The following SPIDR variants were observed in gnomAD, a reference collection of about 807,000 sequenced individuals.
SPIDR encodes the protein DNA repair-scaffolding protein.
SPIDR carries 93 observed loss-of-function variants against 104.6 expected under a neutral mutation model. The ratio of observed to expected loss-of-function variants is 0.89; its 90% CI spans 0.75 to 1.06. SPIDR has a LOEUF of 1.06. Ranked by LOEUF, SPIDR falls within the 50% of genes least tolerant of loss-of-function variation. The probability of loss-of-function intolerance (pLI) is 0.00; values close to 1 mark genes in which losing one functional copy is unlikely to be tolerated. For missense variants in SPIDR, 1,154 were observed against 1,111.2 expected (o/e 1.04, Z -0.55); for synonymous variants, 431 against 416.9 (o/e 1.03, Z -0.41).
intron 4 of SPIDR, 141 bp from the exon 5 acceptor site, chr8:47,293,726 G>A: frequency 3.3e-6 from 3 of 921,870 alleles, no homozygotes; most frequent in African/African-American, 1.7e-5. Flanking sequence ...AGGATTACAG[G>A]CATGAGCTAT....
Position 47,555,520 on chromosome 8 carries a change from A to G in SPIDR, c.1098-40291A>G, listed in dbSNP as rs2091214436. ...TAACTTTTAATTTGGTTCCTCAAAA[A>G]TTGAGCAATAGAAGCAGTAATTTTT... On this transcript the variant is annotated intron_variant, in intron 8 of 19. Transcript: ENST00000297423. Among the ~76,000 whole-genome samples the G allele has an allele frequency of 2.0e-5, 3 of 152,234 alleles. No homozygotes were observed. The South Asian group carries it at 6.2e-4, about 32-fold the overall frequency.
chr8:47,626,390 G>T (rs1216021442), intron 10 of SPIDR, among the ~76,000 whole-genome samples: 1 of 152,136 alleles, frequency 6.6e-6, no homozygotes, highest in African/African-American at 2.4e-5. Context: ...TAACAAATGG[G>T]ATCTAATTAA....
intron 4 of SPIDR, 57 bp from the exon 5 acceptor site, chr8:47,293,810 A>T (rs2040367103): frequency 1.2e-5 from 18 of 1,502,094 alleles, no homozygotes; most frequent in Non-Finnish European, 1.6e-5. Flanking sequence ...AATAAAAGAG[A>T]TATAAAAGTG....
intron 8 of SPIDR, among the ~76,000 whole-genome samples, chr8:47,587,535 G>A (rs1257599280): frequency 6.6e-6 from 1 of 151,232 alleles, no homozygotes; most frequent in Non-Finnish European, 1.5e-5. Context: ...GAACCTGGGA[G>A]GCAGACGGAG....
chr8:47,547,316 C>G (rs763154583), intron 8 of SPIDR: 23 of 546,028 alleles, frequency 4.2e-5, no homozygotes, highest in Non-Finnish European at 4.7e-5. Flanking sequence ...CCCATCTAGT[C>G]AATGCCCATG....
At chr8:47,680,534 G>C (rs1295874169) in intron 11 of SPIDR, among the ~76,000 whole-genome samples, 1 of 152,168 alleles carries the variant, frequency 6.6e-6, no homozygotes, top group Admixed American at 6.5e-5. Context: ...CATTTCAGAG[G>C]CTCCTTTAAC....
At chr8:47,393,726 TCCTTTCCTTC>T (rs1307237974) in intron 5 of SPIDR, among the ~76,000 whole-genome samples, 3 of 109,566 alleles carry the variant, frequency 2.7e-5, no homozygotes, top group African/African-American at 6.0e-5. Flanking sequence ...TCCTTTCCTT[TCCTTTCCTTC>T]CTTTCATTCT....
chr8:47,686,511 T>C (rs1435045320), intron 11 of SPIDR, among the ~76,000 whole-genome samples: 1 of 152,222 alleles, frequency 6.6e-6, no homozygotes, highest in Non-Finnish European at 1.5e-5. Context: ...AGAGTCACTC[T>C]ATTTTTTCAT....
At chr8:47,387,152 G>A (rs1336844684) in intron 5 of SPIDR, among the ~76,000 whole-genome samples, 1 of 152,130 alleles carries the variant, frequency 6.6e-6, no homozygotes, top group Non-Finnish European at 1.5e-5. Context: ...AAGGGCTATG[G>A]CATCCACAGG....
At chr8:47,260,922 G>A (rs939331154), upstream of SPIDR, 28 of 1,221,836 alleles carry the variant, frequency 2.3e-5, no homozygotes, top group Non-Finnish European at 2.6e-5. Flanking sequence ...ACGGCGGCGC[G>A]CTGAGGAGGC....
intron 5 of SPIDR, among the ~76,000 whole-genome samples, chr8:47,348,612 G>A (rs957630349): frequency 1.3e-5 from 2 of 152,094 alleles, no homozygotes; most frequent in Non-Finnish European, 2.9e-5. Flanking sequence ...TAGATTTAGT[G>A]TTTTCACATA....
intron 8 of SPIDR, among the ~76,000 whole-genome samples, chr8:47,491,918 C>G (rs1458629010): frequency 2.6e-5 from 4 of 152,110 alleles, no homozygotes; most frequent in African/African-American, 9.7e-5. Context: ...ATGCCGAGGT[C>G]TCTAACCACA....
At chr8:47,621,488 C>A (rs2065163755) in intron 10 of SPIDR, among the ~76,000 whole-genome samples, 1 of 152,204 alleles carries the variant, frequency 6.6e-6, no homozygotes, top group Non-Finnish European at 1.5e-5. Flanking sequence ...TCTGTTCTCG[C>A]TTCTGTCTTA....
chr8:47,462,265 A>T (rs2074069294), intron 8 of SPIDR, among the ~76,000 whole-genome samples: 1 of 152,154 alleles, frequency 6.6e-6, no homozygotes, highest in Admixed American at 6.5e-5. Flanking sequence ...TGTAATGTGA[A>T]CCGTCTTGAG....
At chr8:47,500,874 T>G (rs1196264645) in intron 8 of SPIDR, among the ~76,000 whole-genome samples, 2 of 152,238 alleles carry the variant, frequency 1.3e-5, no homozygotes, top group African/African-American at 4.8e-5. Flanking sequence ...TAGCCAGTTT[T>G]CCCAGCACCA....
intron 5 of SPIDR, among the ~76,000 whole-genome samples, chr8:47,374,276 C>T (rs533158899): frequency 6.6e-6 from 1 of 152,238 alleles, no homozygotes; most frequent in South Asian, 2.1e-4. Flanking sequence ...AATCCTAACA[C>T]TTTGGGAGGC....
chr8:47,561,198 A>T (rs943038962), intron 8 of SPIDR, among the ~76,000 whole-genome samples: 5 of 152,222 alleles, frequency 3.3e-5, no homozygotes, highest in African/African-American at 1.2e-4. Context: ...TTCAAGTGAG[A>T]CCCAGGCTGT....
chr8:47,656,964 C>T (rs1034416884), intron 10 of SPIDR, among the ~76,000 whole-genome samples: 14 of 152,034 alleles, frequency 9.2e-5, no homozygotes, highest in Admixed American at 2.6e-4. Flanking sequence ...CAGGCAAATC[C>T]ATAGAGGCAG....
chr8:47,384,889 C>G (rs573397967), intron 5 of SPIDR, among the ~76,000 whole-genome samples: 1 of 152,290 alleles, frequency 6.6e-6, no homozygotes, highest in South Asian at 2.1e-4. Context: ...ACAAACATCC[C>G]TAGTTACTTA....
Sources: gnomAD v4.1 joint callset for allele counts (sites outside exome capture counted in the v4.1 genomes callset) on GRCh38, gnomAD v4.1.1 for gene constraint, MANE v1.5 for transcripts, NCBI Gene and HGNC (gene_info 2026-07-23, HGNC 2026-07-21) for gene names.